LAMA1: variants seen among roughly 807,000 people sequenced by gnomAD.
LAMA1 encodes the protein laminin subunit alpha 1, also known as laminin subunit alpha-1.
LAMA1 carries 219 observed loss-of-function variants against 348.7 expected under a neutral mutation model. The observed-to-expected ratio is 0.63, with a 90% CI of 0.56 to 0.70. LAMA1 has a LOEUF of 0.70. Ranked by LOEUF, LAMA1 falls within the 30% of genes least tolerant of loss-of-function variation. LAMA1 has a pLI of 0.00. For synonymous variants in LAMA1, 1,487 were observed against 1,491.0 expected, an observed-to-expected ratio of 1.00 and a Z score of 0.06; for missense variants, 3,744 against 3,888.0, an observed-to-expected ratio of 0.96 and a Z score of 0.99.
At chr18:7,016,053 C>T (rs994920407) in intron 21 of LAMA1, among the ~76,000 whole-genome samples, 195 bp from the exon 22 acceptor site, 2 of 151,990 alleles carry the variant, frequency 1.3e-5, no homozygotes, top group South Asian at 2.1e-4. Context: ...CTGAGGGAAG[C>T]GGGGAAATGG....
rs138356521 is a variant in LAMA1 at position 7,066,911 on chromosome 18, A to G, written c.345+13064T>C. The stretch of plus-strand genomic sequence containing the variant: ...TCGACACTAAAAAATAAACTACCGT[A>G]ACAGCCATAAAATATTCAAATGTTT... On this transcript the variant is annotated intron_variant, in intron 3 of 62. Transcript: ENST00000389658. 4.7e-3 allele frequency among the ~76,000 whole-genome samples: 709 copies of G among 152,370 alleles called. 5 individuals carry two copies. The highest frequency in any genetic ancestry group is 0.016 in the African/African-American group (657 of 41,580).
chr18:7,097,821 A>ACCTCTC (rs1030554017), intron 1 of LAMA1, among the ~76,000 whole-genome samples: 65 of 151,338 alleles, frequency 4.3e-4, no homozygotes, highest in Admixed American at 1.2e-3. Flanking sequence ...ATGAACTTAC[A>ACCTCTC]CCTCTCCCTC....
chr18:7,063,654 A>C (rs954136297), intron 3 of LAMA1, among the ~76,000 whole-genome samples: 2 of 152,214 alleles, frequency 1.3e-5, no homozygotes, highest in African/African-American at 4.8e-5. Context: ...CATACAATGG[A>C]ATATTATTCA....
At chr18:7,091,578 T>C (rs28562185) in intron 1 of LAMA1, among the ~76,000 whole-genome samples, 16,194 of 152,280 alleles carry the variant, frequency 0.11, 2,639 homozygotes, top group African/African-American at 0.35. Flanking sequence ...TGCACTTGAT[T>C]GTACAGATTT....
intron 37 of LAMA1, among the ~76,000 whole-genome samples, chr18:6,985,918 C>T (rs1376886852): frequency 6.6e-6 from 1 of 152,074 alleles, no homozygotes; most frequent in Non-Finnish European, 1.5e-5. Context: ...GCCACCACGC[C>T]CAGCTAATTT....
intron 53 of LAMA1, 150 bp downstream of exon 53, chr18:6,961,436 G>C (rs1483975072): frequency 4.7e-6 from 4 of 843,264 alleles, no homozygotes; most frequent in Non-Finnish European, 7.5e-6. Flanking sequence ...ATGACATTCA[G>C]CAACAATAAC....
intron 23 of LAMA1, among the ~76,000 whole-genome samples, chr18:7,012,594 C>T (rs1360963759): frequency 3.3e-5 from 5 of 150,578 alleles, no homozygotes; most frequent in African/African-American, 1.2e-4. Flanking sequence ...CAACCTCCAC[C>T]CCCCGGGTTC....
chr18:7,016,021 C>T (rs558946163), intron 21 of LAMA1, among the ~76,000 whole-genome samples, 163 bp from the exon 22 acceptor site: 64 of 152,220 alleles, frequency 4.2e-4, no homozygotes, highest in African/African-American at 1.4e-3. Flanking sequence ...TGGAGGTAGC[C>T]GGCCCTCCAT....
At chr18:7,057,868 C>A (rs2058088559) in intron 3 of LAMA1, among the ~76,000 whole-genome samples, 1 of 151,686 alleles carries the variant, frequency 6.6e-6, no homozygotes, top group East Asian at 1.9e-4. Flanking sequence ...GATCTCCGCT[C>A]ACTGCAACCT....
intron 3 of LAMA1, chr18:7,079,590 C>T: frequency 3.1e-6 from 1 of 322,978 alleles, no homozygotes; most frequent in South Asian, 2.8e-5. Context: ...CAATAACTTA[C>T]TCAATGACAT....
chr18:7,032,552 T>C (rs760856901), intron 15 of LAMA1, among the ~76,000 whole-genome samples: 3 of 152,226 alleles, frequency 2.0e-5, no homozygotes, highest in Non-Finnish European at 4.4e-5. Context: ...CGCATTTTCA[T>C]ATATTTCACA....
At chr18:7,041,920 T>C (rs956795367) in intron 9 of LAMA1, among the ~76,000 whole-genome samples, 2 of 152,196 alleles carry the variant, frequency 1.3e-5, no homozygotes, top group South Asian at 2.1e-4. Context: ...ATGTACCTGT[T>C]TGTTTAGTGT....
chr18:7,063,154 A>G (rs1036725895), intron 3 of LAMA1, among the ~76,000 whole-genome samples: 4 of 152,192 alleles, frequency 2.6e-5, no homozygotes, highest in Non-Finnish European at 5.9e-5. Flanking sequence ...AATCGTTGAT[A>G]GTTTTAGCAC....
intron 13 of LAMA1, 120 bp downstream of exon 13, chr18:7,035,867 T>C (rs1029125305): frequency 2.2e-5 from 17 of 785,126 alleles, no homozygotes; most frequent in Non-Finnish European, 2.9e-5. Flanking sequence ...CAGGGTCTAC[T>C]GAATGGCCAC....
At chr18:7,023,951 G>A (rs9953692) in intron 18 of LAMA1, among the ~76,000 whole-genome samples, 3,368 of 152,136 alleles carry the variant, frequency 0.022, 126 homozygotes, top group African/African-American at 0.078. Flanking sequence ...TGATTCTCCT[G>A]CCTCAGCCTC....
In LAMA1 at chr18:6,949,205, A is replaced by G. The variant is rs772506835; in HGVS notation, c.8452T>C (p.Ser2818Pro). The G allele has an allele frequency of 6.2e-7, 1 of 1,613,630 alleles. No homozygotes were observed. Among genetic ancestry groups the G allele is most frequent in the South Asian group, 1.1e-5 (1 of 91,004 alleles). Reference protein sequence around the residue: ...KGFITVDGRESPMVTVVGDGT... With the variant: ...KGFITVDGREPPMVTVVGDGT... Reference sequence around the variant, plus strand: ...TCTCCCACCACAGTCACCATGGGAGACTCTCGGCCGTCGACAGTTATGAAG... The same window carrying G: ...TCTCCCACCACAGTCACCATGGGAGGCTCTCGGCCGTCGACAGTTATGAAG... Residue 2818 changes from serine (S) to proline (P), a missense_variant, in exon 59 of 63, where the codon TCT becomes CCT. By Grantham distance (74) the Ser-to-Pro change is moderately conservative. Around this residue, in one of 3 missense-constraint regions of LAMA1, gnomAD observed 1,983 missense variants for 1,934.3 expected, o/e 1.03. Coordinates refer to ENST00000389658, the MANE Select transcript of LAMA1 (RefSeq NM_005559.4).
chr18:7,103,747 A>T (rs1481881226), intron 1 of LAMA1, among the ~76,000 whole-genome samples: 1 of 151,060 alleles, frequency 6.6e-6, no homozygotes, highest in Non-Finnish European at 1.5e-5. Context: ...TAAACCCAGG[A>T]GGTGGAGGTT....
In LAMA1 at chr18:7,034,469, C is replaced by G; in HGVS notation, c.2051+10G>C. The G allele has an allele frequency of 2.5e-6, 4 of 1,609,184 alleles. No homozygotes were observed. Among genetic ancestry groups the G allele is most frequent in the Non-Finnish European group, 3.4e-6 (4 of 1,175,584 alleles). On this transcript the variant is annotated intron_variant, in intron 14 of 62. Transcript: ENST00000389658. The stretch of plus-strand genomic sequence containing the variant: ...TCACCGTAAGTTTTTCCTCCATTTT[C>G]AATACATACCTGTAAAGAGCCATTT...
intron 1 of LAMA1, among the ~76,000 whole-genome samples, chr18:7,109,438 T>C (rs1251247752): frequency 6.6e-6 from 1 of 152,188 alleles, no homozygotes; most frequent in South Asian, 2.1e-4. Context: ...GAGGACCGGA[T>C]GGCAACTTTG....
Sources: allele counts gnomAD v4.1 joint callset (sites outside exome capture counted in the v4.1 genomes callset), GRCh38; gene constraint gnomAD v4.1.1; regional missense constraint gnomAD v4.1.1; transcripts MANE v1.5; gene names NCBI Gene and HGNC (gene_info 2026-07-23, HGNC 2026-07-21).